UEVLD: variants seen among roughly 807,000 people sequenced by gnomAD.
UEVLD encodes UEV and lactate/malate dehyrogenase domains.
UEVLD carries 47 observed loss-of-function variants against 58.6 expected under a neutral mutation model. That is an observed-to-expected ratio of 0.80 (90% CI 0.63 to 1.02). The LOEUF (loss-of-function observed/expected upper bound fraction) is 1.02. Among genes scored for constraint, UEVLD ranks in the 50% least tolerant of loss-of-function variants. UEVLD has a pLI of 0.00. For synonymous variants in UEVLD, 197 were observed against 195.3 expected (o/e 1.01, Z -0.07); for missense variants, 510 against 550.6 (o/e 0.93, Z 0.74).
At chr11:18,564,805 T>G in intron 6 of UEVLD, 87 bp downstream of exon 6, 1 of 919,990 alleles carries the variant, frequency 1.1e-6, no homozygotes, top group Admixed American at 2.4e-5. Context: ...CACGACAAAA[T>G]GAAGGCATTT....
At position 18,570,322 on chromosome 11, in the gene UEVLD, A is replaced by C. The variant is rs1040776792; in HGVS notation, c.249T>G (p.Ala83=). ...TTGGCTTCAAGAAGCAAATAGGGGG[A>C]GCGAAAGGGTGAGAATCCAAAATCC... ...RFWILDSHPF[A]PPICFLKPTA... Residue 83 remains alanine, a synonymous_variant, in exon 4 of 12, where the codon GCT becomes GCG. Transcript: ENST00000396197. 2 of 1,583,414 alleles carry C rather than the reference A, an allele frequency of 1.3e-6. No homozygotes were observed. The highest frequency in any genetic ancestry group is 2.8e-5 in the African/African-American group (2 of 72,458).
intron 9 of UEVLD, among the ~76,000 whole-genome samples, chr11:18,540,676 C>T (rs887766980): frequency 1.3e-5 from 2 of 152,168 alleles, no homozygotes; most frequent in African/African-American, 4.8e-5. Flanking sequence ...TTACATAATA[C>T]TACATTTATG....
intron 3 of UEVLD, among the ~76,000 whole-genome samples, chr11:18,573,360 G>T (rs1284794242): frequency 6.6e-6 from 1 of 152,156 alleles, no homozygotes; most frequent in East Asian, 1.9e-4. Flanking sequence ...ACCTTAATCA[G>T]TTTCCTTCCC....
chr11:18,570,965 C>CA (rs1307956745), intron 3 of UEVLD, among the ~76,000 whole-genome samples: 12 of 150,612 alleles, frequency 8.0e-5, no homozygotes, highest in Admixed American at 7.9e-4. Flanking sequence ...ATCAAATTTT[C>CA]AAAAATGTTT....
chr11:18,585,866 C>G (rs1485464906), intron 1 of UEVLD, among the ~76,000 whole-genome samples: 1 of 152,172 alleles, frequency 6.6e-6, no homozygotes, highest in African/African-American at 2.4e-5. Flanking sequence ...AACTCCTGAC[C>G]TCAAGTGATC....
At chr11:18,537,918 C>T (rs531120323) in intron 9 of UEVLD, among the ~76,000 whole-genome samples, 2 of 152,324 alleles carry the variant, frequency 1.3e-5, no homozygotes, top group African/African-American at 2.4e-5. Flanking sequence ...CTGCCTTGGC[C>T]TCCCAAAGTG....
intron 7 of UEVLD, among the ~76,000 whole-genome samples, chr11:18,554,536 A>T (rs772034795): frequency 4.6e-5 from 7 of 151,530 alleles, no homozygotes; most frequent in Non-Finnish European, 7.4e-5. Flanking sequence ...AGCTGGGATT[A>T]CAAGAACCCG....
intron 2 of UEVLD, among the ~76,000 whole-genome samples, chr11:18,577,259 A>G (rs1232278403): frequency 6.6e-6 from 1 of 152,206 alleles, no homozygotes; most frequent in Non-Finnish European, 1.5e-5. Context: ...CAAACAAAAA[A>G]ACATTATCGC....
At position 18,531,202 on chromosome 11, in the gene UEVLD, ACTTC is replaced by A. The variant is rs1255803333; in HGVS notation, c.*1114_*1117del. 5 of 152,284 alleles carry A rather than the reference ACTTC, an allele frequency of 3.3e-5. No homozygotes were observed. The East Asian group carries it at 9.6e-4, about 29-fold the overall frequency. 9.4% of individuals were successfully genotyped at this position (152,284 alleles called of 1,614,324 possible). A position where few individuals can be genotyped will look rare whatever the true frequency, so the allele number is the denominator to read the frequency against. ...GGATAAGTGCCCCTTAATAGCCAAG[ACTTC>A]TTGAGGACTAAACCTCAATTTCCTT... On this transcript the variant is annotated 3_prime_UTR_variant, in exon 12 of 12. Transcript: ENST00000396197.
intron 11 of UEVLD, 133 bp downstream of exon 11, chr11:18,534,197 T>C (rs1447668328): frequency 4.4e-5 from 28 of 643,204 alleles, no homozygotes; most frequent in Non-Finnish European, 6.6e-5. Context: ...TAAACTGCCT[T>C]CTCCTACCTG....
chr11:18,557,922 C>T (rs1055620844), intron 7 of UEVLD, among the ~76,000 whole-genome samples: 1 of 152,082 alleles, frequency 6.6e-6, no homozygotes, highest in African/African-American at 2.4e-5. Context: ...CCAATATATT[C>T]TAAGAAAAGA....
rs758308521 is a variant in UEVLD, at chr11:18,532,468, C to G, written c.1268G>C (p.Ser423Thr). Residue 423 changes from serine (S) to threonine (T), a missense_variant, in exon 12 of 12, where the codon AGT (serine) becomes ACT (threonine). Ser to Thr is a moderately conservative substitution (Grantham distance 58). Coordinates refer to ENST00000396197, the MANE Select transcript of UEVLD (RefSeq NM_001040697.4). The stretch of plus-strand genomic sequence containing the variant: ...GCAAGGCAAACTTAAAAACACTTCA[C>G]TATTTATATCATAATATCCCTGAAA... ...ALAKGYYDIN[S>T]EVFLSLPCIL... The G allele has an allele frequency of 1.2e-6, 2 of 1,608,742 alleles. No individual in the cohort carries two copies. Among genetic ancestry groups the G allele is most frequent in the Admixed American group, 3.4e-5 (2 of 58,904 alleles).
chr11:18,550,455 T>TA (rs1181736945), intron 7 of UEVLD, among the ~76,000 whole-genome samples: 1 of 152,208 alleles, frequency 6.6e-6, no homozygotes, highest in Non-Finnish European at 1.5e-5. Context: ...ACATCAAACA[T>TA]ATTACAAGCT....
chr11:18,561,612 C>A (rs550870352), intron 6 of UEVLD, among the ~76,000 whole-genome samples: 1 of 152,070 alleles, frequency 6.6e-6, no homozygotes, highest in Non-Finnish European at 1.5e-5. Context: ...GAGGCCGAGG[C>A]GGGCAGATTG....
intron 6 of UEVLD, among the ~76,000 whole-genome samples, chr11:18,562,678 G>A (rs767058681): frequency 4.0e-5 from 6 of 150,286 alleles, no homozygotes; most frequent in Non-Finnish European, 8.9e-5. Context: ...GTAAGCCACC[G>A]GGCCCAGCTG....
rs141660825 is a variant in UEVLD, at chr11:18,579,365, G to A, written c.43-557C>T. 2.4e-5 allele frequency: 19 copies of A among 796,412 alleles called. No homozygotes were observed. In the African/African-American group the frequency reaches 3.4e-4, roughly 14 times the overall value. 49.3% of individuals were successfully genotyped at this position (796,412 alleles called of 1,614,324 possible). A position where few individuals can be genotyped will look rare whatever the true frequency, so the allele number is the denominator to read the frequency against. ...TGAGTCATATAGCAAGTTAAATAGTGAAGCCCGAGCTCAAATCCAGGACCA... is the reference window on the plus strand; with the variant it reads ...TGAGTCATATAGCAAGTTAAATAGTAAAGCCCGAGCTCAAATCCAGGACCA... On this transcript the variant is annotated intron_variant, in intron 1 of 11. Coordinates refer to ENST00000396197, the MANE Select transcript of UEVLD (RefSeq NM_001040697.4).
In UEVLD at chr11:18,560,130, CACACACACAGAG is replaced by C. The variant is rs777413783; in HGVS notation, c.613-1812_613-1801del. Among the ~76,000 whole-genome samples, 278 of 86,090 alleles carry C rather than the reference CACACACACAGAG, an allele frequency of 3.2e-3. 4 individuals carry two copies. Among genetic ancestry groups the C allele is most frequent in the South Asian group, 8.6e-3 (21 of 2,448 alleles). The allele number at this position is 86,090 out of a possible 152,430, so 56.5% of individuals were successfully genotyped here. ...ACACACACACACACACACACACACA[CACACACACAGAG>C]AGAGAAAGAAAATAACCCTGCTACA... On this transcript the variant is annotated intron_variant, in intron 6 of 11. Transcript: ENST00000396197.
intron 10 of UEVLD, 112 bp downstream of exon 10, chr11:18,536,288 TTTGTCC>T (rs1334959458): frequency 1.1e-6 from 1 of 897,748 alleles, no homozygotes; most frequent in African/African-American, 1.7e-5. Flanking sequence ...TACTTTTGGG[TTTGTCC>T]ATATTAGTTT....
At chr11:18,552,202 GATA>G (rs1194018870) in intron 7 of UEVLD, among the ~76,000 whole-genome samples, 1 of 152,130 alleles carries the variant, frequency 6.6e-6, no homozygotes, top group East Asian at 1.9e-4. Context: ...TCATACTAAT[GATA>G]ATGACCCTTA....
Sources: allele counts gnomAD v4.1 joint callset (sites outside exome capture counted in the v4.1 genomes callset), GRCh38; gene constraint gnomAD v4.1.1; transcripts MANE v1.5; gene names NCBI Gene and HGNC (gene_info 2026-07-23, HGNC 2026-07-21).